EML1: variants seen among roughly 807,000 people sequenced by gnomAD.
EML1 encodes the protein EMAP like 1.
In EML1, 27 loss-of-function variants were observed where a neutral mutation model predicts 110.4. That is an observed-to-expected ratio of 0.24 (90% confidence interval 0.18 to 0.34). The LOEUF (loss-of-function observed/expected upper bound fraction) is 0.34. Among genes scored for constraint, EML1 ranks in the 10% least tolerant of loss-of-function variants. EML1 has a pLI of 1.00. For synonymous variants in EML1, 344 were observed against 385.8 expected (o/e 0.89, Z 1.27); for missense variants, 741 against 1,030.9 (o/e 0.72, Z 3.85).
At chr14:99,863,168 C>T (rs1360022776) in intron 2 of EML1, among the ~76,000 whole-genome samples, 1 of 152,204 alleles carries the variant, frequency 6.6e-6, no homozygotes, top group Non-Finnish European at 1.5e-5. Context: ...AATTGTTAGC[C>T]TCCACCTTTG....
In EML1 at chr14:99,865,665, C is replaced by G; in HGVS notation, c.383+19C>G. On this transcript the variant is annotated intron_variant, in intron 3 of 21. Coordinates refer to ENST00000262233, the MANE Select transcript of EML1 (RefSeq NM_004434.3). ...CCAAAAGGTGAGCCAGAAGCAGGGC[C>G]TTAAATGAACTCTCAAAGCAGTTCT... is the stretch of plus-strand genomic sequence containing the variant. 5.0e-6 allele frequency: 8 copies of G among 1,612,246 alleles called. No individual in the cohort carries two copies. Among genetic ancestry groups the G allele is most frequent in the Non-Finnish European group, 6.8e-6 (8 of 1,179,302 alleles).
Position 99,743,043 on chromosome 14 carries a change from C to T in EML1, c.28+5183C>T, listed in dbSNP as rs561686201. 3.2e-4 allele frequency among the ~76,000 whole-genome samples: 48 copies of T among 152,284 alleles called. 1 individual carries two copies. The highest frequency in any genetic ancestry group is 9.1e-4 in the African/African-American group (38 of 41,568). Reference sequence around the variant, plus strand: ...GGTGGGGACATGCAGGAGGAATCCGCAGTTGGGAAGTCCCCCTTCAGTGCC... The same window carrying T: ...GGTGGGGACATGCAGGAGGAATCCGTAGTTGGGAAGTCCCCCTTCAGTGCC... On this transcript the variant is annotated intron_variant, in intron 1 of 10. Coordinates refer to the EML1 transcript ENST00000554479.
intron 1 of EML1, among the ~76,000 whole-genome samples, chr14:99,794,115 A>G (rs924709787): frequency 6.6e-6 from 1 of 152,104 alleles, no homozygotes; most frequent in Non-Finnish European, 1.5e-5. Flanking sequence ...GTTGCTTCTT[A>G]TTTTGTTTAT....
At chr14:99,799,934 T>C (rs2057843871) in intron 1 of EML1, among the ~76,000 whole-genome samples, 1 of 152,182 alleles carries the variant, frequency 6.6e-6, no homozygotes, top group Admixed American at 6.5e-5. Flanking sequence ...TAAGACAGTC[T>C]CTCCAAGGAC....
intron 17 of EML1, among the ~76,000 whole-genome samples, chr14:99,934,138 A>G (rs894977920): frequency 2.0e-5 from 3 of 152,210 alleles, no homozygotes; most frequent in African/African-American, 7.2e-5. Flanking sequence ...AATTGGTATC[A>G]TTAAGTGGCC....
chr14:99,933,098 C>A (rs1406258965), intron 17 of EML1, among the ~76,000 whole-genome samples: 5 of 152,158 alleles, frequency 3.3e-5, no homozygotes, highest in Non-Finnish European at 7.3e-5. Flanking sequence ...CACAGCGAGA[C>A]CCCATCCCAA....
chr14:99,854,872 C>T (rs2058875604), intron 2 of EML1, among the ~76,000 whole-genome samples: 1 of 152,044 alleles, frequency 6.6e-6, no homozygotes, highest in Non-Finnish European at 1.5e-5. Flanking sequence ...TGGAGTGGGG[C>T]AATACTCTGG....
chr14:99,891,317 A>T, intron 5 of EML1, 90 bp downstream of exon 5: 1 of 1,522,322 alleles, frequency 6.6e-7, no homozygotes, highest in Non-Finnish European at 9.1e-7. Context: ...TTCAGGGGCC[A>T]GCCTTGGACA....
upstream of EML1, among the ~76,000 whole-genome samples, chr14:99,791,043 G>C (rs1384041807): frequency 6.6e-6 from 1 of 151,646 alleles, no homozygotes; most frequent in African/African-American, 2.4e-5. Flanking sequence ...ATTTTTTTTG[G>C]TAGAGACGGG....
rs2060485066 is a variant in EML1, at chr14:99,936,958, G to C, written c.2095+624G>C. 6.6e-6 allele frequency among the ~76,000 whole-genome samples: 1 copy of C among 152,240 alleles called. No homozygotes were observed. The highest frequency in any genetic ancestry group is 1.5e-5 in the Non-Finnish European group (1 of 68,038). On this transcript the variant is annotated intron_variant, in intron 19 of 21. Transcript: ENST00000262233. The surrounding 1 kb of genome is among the most constrained non-coding windows in gnomAD (Gnocchi z 5.5). ...AGGGCGGCGCGTGGGCACAAGGAAGGCCTCGCTGCTCCCCTGCTGGAAGTT... is the reference window on the plus strand; with the variant it reads ...AGGGCGGCGCGTGGGCACAAGGAAGCCCTCGCTGCTCCCCTGCTGGAAGTT...
chr14:99,822,868 C>T (rs1021355344), intron 1 of EML1, among the ~76,000 whole-genome samples: 2 of 152,210 alleles, frequency 1.3e-5, no homozygotes, highest in African/African-American at 4.8e-5. Context: ...CTTTGGTTCC[C>T]GCTCAGGCTG....
chr14:99,802,695 G>A (rs1266557199), intron 1 of EML1, among the ~76,000 whole-genome samples: 1 of 152,074 alleles, frequency 6.6e-6, no homozygotes, highest in Admixed American at 6.6e-5. Context: ...GGGGTAGGAG[G>A]ACATATGGGA....
Position 99,891,217 on chromosome 14 carries a change from A to G in EML1, c.537A>G (p.Val179=). The G allele has an allele frequency of 6.2e-7, 1 of 1,614,222 alleles. No individual in the cohort carries two copies. The highest frequency in any genetic ancestry group is 8.5e-7 in the Non-Finnish European group (1 of 1,180,036). ...KNSESKPKEP[V]FSAEEGYVKM... ...TTCACAGCAAACCCAAGGAGCCTGT[A>G]TTCAGTGCAGGTAAGTCTGATTTAA... Residue 179 remains valine, a synonymous_variant, in exon 5 of 22, where the codon GTA becomes GTG. Transcript: ENST00000262233.
At chr14:99,760,653 CCCT>C (rs1230251834) in intron 1 of EML1, among the ~76,000 whole-genome samples, 1 of 152,178 alleles carries the variant, frequency 6.6e-6, no homozygotes. Context: ...TGCTGATTTT[CCCT>C]TTCTCCCTGA....
intron 4 of EML1, among the ~76,000 whole-genome samples, chr14:99,879,179 G>A (rs1222545458): frequency 6.6e-6 from 1 of 152,090 alleles, no homozygotes; most frequent in Non-Finnish European, 1.5e-5. Context: ...AGTTTGTAAT[G>A]GATTATGATA....
chr14:99,850,192 G>T lies in EML1; in HGVS notation c.68-661G>T. On this transcript the variant is annotated intron_variant, in intron 1 of 21. Transcript: ENST00000262233. The stretch of plus-strand genomic sequence containing the variant: ...GCGCTCAAGCAGTCTGCCTACCTCA[G>T]CCTCCCAAAGTGTTCTCTGTGTTCT... 3 of 897,314 alleles carry T rather than the reference G, an allele frequency of 3.3e-6. No individual in the cohort carries two copies. In the South Asian group the frequency reaches 4.1e-5, roughly 12 times the overall value. The allele number at this position is 897,314 out of a possible 1,614,324, so 55.6% of individuals were successfully genotyped here.
At position 99,739,068 on chromosome 14, in the gene EML1, G is replaced by GTGTA. The variant is rs1212923140; in HGVS notation, c.28+1211_28+1212insATGT. On this transcript the variant is annotated intron_variant, in intron 1 of 10. Coordinates refer to the EML1 transcript ENST00000554479. ...ACAGAGCAAGTGAGAGTGTGAGAGT[G>GTGTA]TGTGTGTGTGTGTGTGTGTGTGTGA... is the stretch of plus-strand genomic sequence containing the variant. Among the ~76,000 whole-genome samples the GTGTA allele has an allele frequency of 3.2e-4, 38 of 117,862 alleles. No homozygotes were observed. In the East Asian group the frequency reaches 8.0e-3, roughly 25 times the overall value. 77.3% of individuals were successfully genotyped at this position (117,862 alleles called of 152,430 possible). A position where few individuals can be genotyped will look rare whatever the true frequency, so the allele number is the denominator to read the frequency against.
At chr14:99,888,278 C>T (rs1194213920) in intron 4 of EML1, among the ~76,000 whole-genome samples, 1 of 152,172 alleles carries the variant, frequency 6.6e-6, no homozygotes, top group African/African-American at 2.4e-5. Flanking sequence ...ACGAGCTTCC[C>T]TGTATGAAGC....
At chr14:99,809,006 G>A (rs544084726) in intron 1 of EML1, among the ~76,000 whole-genome samples, 5 of 152,240 alleles carry the variant, frequency 3.3e-5, no homozygotes, top group African/African-American at 9.6e-5. Flanking sequence ...ACCACATCTC[G>A]ATCCTAGGTC....
Sources: gnomAD v4.1 joint callset for allele counts (sites outside exome capture counted in the v4.1 genomes callset) on GRCh38, gnomAD v4.1.1 for gene constraint, Gnocchi (gnomAD v3.1) non-coding constraint, MANE v1.5 for transcripts, NCBI Gene and HGNC (gene_info 2026-07-23, HGNC 2026-07-21) for gene names.